Variants in CSMD1 observed in about 807,000 individuals in gnomAD.
CSMD1 encodes the protein CUB and Sushi multiple domains 1.
A neutral mutation model predicts 417.5 loss-of-function variants in CSMD1; 213 were observed. That is an observed-to-expected ratio of 0.51 (90% confidence interval 0.46 to 0.57). The LOEUF is 0.57. Ranked by LOEUF, CSMD1 falls within the 20% of genes least tolerant of loss-of-function variation. The pLI is 0.00. For missense variants in CSMD1, 6,923 were observed against 4,529.7 expected, an observed-to-expected ratio of 1.53 and a Z score of -15.17; for synonymous variants, 2,862 against 1,736.8, an observed-to-expected ratio of 1.65 and a Z score of -16.11.
chr8:4,750,126 C>T (rs1454333185), intron 1 of CSMD1, among the ~76,000 whole-genome samples: 3 of 152,202 alleles, frequency 2.0e-5, no homozygotes, highest in Non-Finnish European at 4.4e-5. Flanking sequence ...CTGCCTCAGC[C>T]TCCCGAGTAG....
intron 3 of CSMD1, among the ~76,000 whole-genome samples, chr8:4,096,327 C>T (rs1404900394): frequency 6.6e-6 from 1 of 152,064 alleles, no homozygotes; most frequent in East Asian, 1.9e-4. Flanking sequence ...GAGGAAACAA[C>T]CCAGAAATAG....
chr8:2,992,821 T>A (rs956640425), intron 54 of CSMD1, among the ~76,000 whole-genome samples: 4 of 152,128 alleles, frequency 2.6e-5, no homozygotes, highest in Admixed American at 2.6e-4. Flanking sequence ...CACTGTAGCC[T>A]TGACCTCCCA....
At position 4,246,610 on chromosome 8, in the gene CSMD1, T is replaced by G. The variant is rs181577208; in HGVS notation, c.415+173343A>C. ...CCTGTAGAATTTGATATGATGGGTC[T>G]AGCTTTGTTCAGCAGAAATGAATTT... On this transcript the variant is annotated intron_variant, in intron 3 of 69. Coordinates refer to ENST00000635120, the MANE Select transcript of CSMD1 (RefSeq NM_033225.6). Among the ~76,000 whole-genome samples the G allele has an allele frequency of 2.8e-3, 420 of 152,326 alleles. 1 individual carries two copies. Among genetic ancestry groups the G allele is most frequent in the Admixed American group, 6.8e-3 (104 of 15,298 alleles).
intron 10 of CSMD1, among the ~76,000 whole-genome samples, chr8:3,573,212 T>C (rs949190065): frequency 4.6e-5 from 7 of 152,218 alleles, no homozygotes; most frequent in Non-Finnish European, 7.3e-5. Flanking sequence ...TTTTCACAAC[T>C]ATTCTCTAAG....
rs6984477 is a variant in CSMD1, at chr8:3,369,377, A to T, written c.2783-7T>A. 0.23 allele frequency: 310,721 copies of T among 1,377,398 alleles called. 36,083 individuals carry two copies. The highest frequency in any genetic ancestry group is 0.3 in the African/African-American group (21,039 of 70,022). 85.3% of individuals were successfully genotyped at this position (1,377,398 alleles called of 1,614,324 possible). On this transcript the variant is annotated splice_polypyrimidine_tract_variant and splice_region_variant and intron_variant, in intron 18 of 69. Transcript: ENST00000635120. Reference sequence around the variant, plus strand: ...ATGTAGCCTCCACATAGAGCTTAAAATAATAAAGAGAGATGATTACAGCAC... The same window carrying T: ...ATGTAGCCTCCACATAGAGCTTAAATTAATAAAGAGAGATGATTACAGCAC...
chr8:3,182,044 T>C (rs1232764049), intron 36 of CSMD1, among the ~76,000 whole-genome samples: 1 of 152,202 alleles, frequency 6.6e-6, no homozygotes, highest in Non-Finnish European at 1.5e-5. Flanking sequence ...GTAGACATAC[T>C]CGATGTCAAA....
chr8:4,105,912 T>A (rs1189823104), intron 3 of CSMD1, among the ~76,000 whole-genome samples: 1 of 152,180 alleles, frequency 6.6e-6, no homozygotes, highest in Non-Finnish European at 1.5e-5. Flanking sequence ...CCTGCAGGCT[T>A]CAGCCCAAGG....
At chr8:3,734,469 G>C (rs1796426040) in intron 6 of CSMD1, among the ~76,000 whole-genome samples, 1 of 152,192 alleles carries the variant, frequency 6.6e-6, no homozygotes, top group Non-Finnish European at 1.5e-5. Flanking sequence ...CCAGCACTTT[G>C]AGAGGCTGAG....
At chr8:4,905,254 C>T (rs566683957) in intron 1 of CSMD1, among the ~76,000 whole-genome samples, 37 of 152,068 alleles carry the variant, frequency 2.4e-4, no homozygotes, top group Non-Finnish European at 4.9e-4. Flanking sequence ...ACACATTAAC[C>T]AGCTATTTTC....
At chr8:3,088,548 T>C (rs374296381) in intron 48 of CSMD1, among the ~76,000 whole-genome samples, 211 of 152,284 alleles carry the variant, frequency 1.4e-3, no homozygotes, top group African/African-American at 4.8e-3. Flanking sequence ...TCTATGTGTC[T>C]GGCCTCAGTT....
intron 3 of CSMD1, among the ~76,000 whole-genome samples, chr8:4,348,796 A>C (rs1006402783): frequency 6.6e-6 from 1 of 152,160 alleles, no homozygotes; most frequent in Non-Finnish European, 1.5e-5. Flanking sequence ...TCAATCCCTT[A>C]ACCCATTTAT....
chr8:3,316,021 G>A (rs1052583384), intron 23 of CSMD1, among the ~76,000 whole-genome samples: 1 of 152,104 alleles, frequency 6.6e-6, no homozygotes, highest in African/African-American at 2.4e-5. Context: ...CTTTCTCACT[G>A]ATTTTTTTAC....
chr8:4,533,089 C>G (rs1467775052), intron 2 of CSMD1, among the ~76,000 whole-genome samples: 4 of 152,160 alleles, frequency 2.6e-5, no homozygotes, highest in Non-Finnish European at 4.4e-5. Flanking sequence ...TTTTTTGGTT[C>G]TAGATACATC....
chr8:3,498,337 G>T (rs1258998574), intron 10 of CSMD1, among the ~76,000 whole-genome samples: 1 of 152,098 alleles, frequency 6.6e-6, no homozygotes, highest in Non-Finnish European at 1.5e-5. Context: ...AAAGTTTAAC[G>T]ATCAAATCAG....
chr8:3,262,970 C>T (rs1051612728), intron 26 of CSMD1, among the ~76,000 whole-genome samples: 1 of 152,144 alleles, frequency 6.6e-6, no homozygotes. Flanking sequence ...ACGTAATATT[C>T]AAGAAGTATT....
chr8:4,516,587 G>A (rs1016508664), intron 2 of CSMD1, among the ~76,000 whole-genome samples: 16 of 152,120 alleles, frequency 1.1e-4, no homozygotes. Flanking sequence ...AAGAGCTTGT[G>A]TTGTATGGGG....
chr8:2,987,591 G>T (rs1332066822), intron 54 of CSMD1, among the ~76,000 whole-genome samples: 1 of 152,064 alleles, frequency 6.6e-6, no homozygotes, highest in African/African-American at 2.4e-5. Flanking sequence ...CACAATTTTT[G>T]CTGTAAGGAA....
At chr8:3,428,830 G>C (rs1341851823) in intron 12 of CSMD1, among the ~76,000 whole-genome samples, 1 of 152,140 alleles carries the variant, frequency 6.6e-6, no homozygotes. Flanking sequence ...ATGAATAATG[G>C]TAAAAATGTG....
At chr8:3,503,993 G>C (rs927151625) in intron 10 of CSMD1, among the ~76,000 whole-genome samples, 2 of 152,138 alleles carry the variant, frequency 1.3e-5, no homozygotes, top group Non-Finnish European at 2.9e-5. Context: ...TGAAAGTCCA[G>C]CTAGATAGGT....
Sources: gnomAD v4.1 joint callset for allele counts (sites outside exome capture counted in the v4.1 genomes callset) on GRCh38, gnomAD v4.1.1 for gene constraint, MANE v1.5 for transcripts, NCBI Gene and HGNC (gene_info 2026-07-23, HGNC 2026-07-21) for gene names.